HS2ST1: variants seen among roughly 807,000 people sequenced by gnomAD.
HS2ST1 encodes the protein heparan sulfate 2-O-sulfotransferase 1.
A neutral mutation model predicts 42.9 loss-of-function variants in HS2ST1; 18 were observed. The ratio of observed to expected loss-of-function variants is 0.42; its 90% CI spans 0.29 to 0.62. HS2ST1 has a LOEUF of 0.62. HS2ST1 is among the 20% of genes least tolerant of loss of function. The pLI is 0.21. For synonymous variants in HS2ST1, 146 were observed against 152.9 expected (o/e 0.95, Z 0.33); for missense variants, 334 against 433.8 (o/e 0.77, Z 2.04).
At chr1:87,097,248 AACATAAC>A (rs537808503) in intron 4 of HS2ST1, among the ~76,000 whole-genome samples, 2 of 152,244 alleles carry the variant, frequency 1.3e-5, no homozygotes, top group African/African-American at 2.4e-5. Flanking sequence ...GGAAAGACAG[AACATAAC>A]ACATAACACA....
chr1:87,032,826 T>G (rs1182542376), intron 1 of HS2ST1, among the ~76,000 whole-genome samples: 1 of 152,188 alleles, frequency 6.6e-6, no homozygotes, highest in African/African-American at 2.4e-5. Context: ...AACCCCAGTA[T>G]AATTAAAAGT....
chr1:87,095,712 A>T (rs984979979), intron 4 of HS2ST1, among the ~76,000 whole-genome samples: 2 of 152,116 alleles, frequency 1.3e-5, no homozygotes, highest in Non-Finnish European at 2.9e-5. Context: ...ATTATTAAGG[A>T]TTGCCCAAAG....
intron 1 of HS2ST1, among the ~76,000 whole-genome samples, chr1:86,946,082 G>GC (rs1357888423): frequency 1.3e-5 from 2 of 152,152 alleles, no homozygotes; most frequent in Non-Finnish European, 1.5e-5. Flanking sequence ...TAATATGGTT[G>GC]CCTATTTTGG....
chr1:87,034,664 G>A (rs993570442), intron 1 of HS2ST1, among the ~76,000 whole-genome samples: 2 of 152,150 alleles, frequency 1.3e-5, no homozygotes, highest in African/African-American at 4.8e-5. Context: ...AACTGTTACA[G>A]TGTAAAGTAT....
chr1:87,090,306 C>A (rs910794928), intron 3 of HS2ST1, among the ~76,000 whole-genome samples: 3 of 151,936 alleles, frequency 2.0e-5, no homozygotes, highest in South Asian at 4.1e-4. Flanking sequence ...GTCCCTGCCC[C>A]GGTGGAACTT....
chr1:87,043,729 A>G (rs562244336), intron 1 of HS2ST1, among the ~76,000 whole-genome samples: 6 of 152,266 alleles, frequency 3.9e-5, no homozygotes, highest in African/African-American at 7.2e-5. Context: ...CTTCTGAAAC[A>G]TGACCTTACT....
intron 1 of HS2ST1, among the ~76,000 whole-genome samples, chr1:87,051,640 T>C (rs1650835322): frequency 2.0e-5 from 3 of 152,222 alleles, no homozygotes; most frequent in Admixed American, 1.3e-4. Flanking sequence ...ACTCAAATTA[T>C]GGTCAAGCAT....
At chr1:86,916,521 T>A (rs2102147911) in intron 1 of HS2ST1, among the ~76,000 whole-genome samples, 1 of 152,292 alleles carries the variant, frequency 6.6e-6, no homozygotes, top group Non-Finnish European at 1.5e-5. Context: ...TAAATCTGAG[T>A]GAAGTGCAAC....
At chr1:86,917,459 C>G (rs890682696) in intron 1 of HS2ST1, among the ~76,000 whole-genome samples, 3 of 150,772 alleles carry the variant, frequency 2.0e-5, no homozygotes, top group African/African-American at 7.3e-5. Flanking sequence ...GCAGAGATTG[C>G]AGTAAGCCAA....
At position 86,962,617 on chromosome 1, in the gene HS2ST1, G is replaced by A. The variant is rs144893585; in HGVS notation, c.124+47457G>A. Reference sequence around the variant, plus strand: ...TTGGACACATGATTGGGTAAGATACGTGGCTTGCCTGGATGCTGTGTTCAG... The same window carrying A: ...TTGGACACATGATTGGGTAAGATACATGGCTTGCCTGGATGCTGTGTTCAG... On this transcript the variant is annotated intron_variant, in intron 1 of 6. Coordinates refer to ENST00000370550, the MANE Select transcript of HS2ST1 (RefSeq NM_012262.4). Among the ~76,000 whole-genome samples the A allele has an allele frequency of 1.1e-4, 17 of 152,276 alleles. No individual in the cohort carries two copies. In the East Asian group the frequency reaches 1.9e-3, roughly 17 times the overall value.
At chr1:87,081,985 GA>G (rs1204752981) in intron 2 of HS2ST1, among the ~76,000 whole-genome samples, 78 of 140,726 alleles carry the variant, frequency 5.5e-4, no homozygotes, top group African/African-American at 2.0e-3. Context: ...AAAAAAAAAA[GA>G]AAAAAAAGAA....
At chr1:87,035,832 A>G (rs1021960440) in intron 1 of HS2ST1, among the ~76,000 whole-genome samples, 27 of 148,470 alleles carry the variant, frequency 1.8e-4, no homozygotes, top group African/African-American at 6.7e-4. Context: ...TTTTTTAATT[A>G]TTACTATACT....
At chr1:87,008,702 T>C (rs1306529687) in intron 1 of HS2ST1, among the ~76,000 whole-genome samples, 1 of 152,324 alleles carries the variant, frequency 6.6e-6, no homozygotes, top group Non-Finnish European at 1.5e-5. Context: ...CAACTGTTTG[T>C]GTTTGACTGG....
intron 1 of HS2ST1, among the ~76,000 whole-genome samples, chr1:87,055,033 A>T (rs1333176237): frequency 1.3e-5 from 2 of 152,198 alleles, no homozygotes; most frequent in East Asian, 3.8e-4. Context: ...ACTCAAACAC[A>T]TAAATATCTG....
intron 1 of HS2ST1, among the ~76,000 whole-genome samples, chr1:86,933,402 A>G (rs977122367): frequency 6.6e-6 from 1 of 152,174 alleles, no homozygotes; most frequent in Admixed American, 6.5e-5. Flanking sequence ...CGTATCTTCA[A>G]GTTCACTGAT....
At chr1:87,069,431 T>TA (rs550875622) in intron 1 of HS2ST1, among the ~76,000 whole-genome samples, 284 of 152,048 alleles carry the variant, frequency 1.9e-3, no homozygotes, top group African/African-American at 6.5e-3. Flanking sequence ...GCATCTTTGC[T>TA]AAAAAAAAGA....
intron 1 of HS2ST1, among the ~76,000 whole-genome samples, chr1:86,936,384 A>G (rs2102170624): frequency 6.6e-6 from 1 of 152,288 alleles, no homozygotes; most frequent in East Asian, 1.9e-4. Flanking sequence ...TAATTTTTGT[A>G]TAATAGTCCT....
intron 1 of HS2ST1, among the ~76,000 whole-genome samples, chr1:86,958,877 G>T (rs1389508383): frequency 6.6e-6 from 1 of 152,070 alleles, no homozygotes; most frequent in East Asian, 1.9e-4. Context: ...TGTATAAAAA[G>T]AATTACATAC....
chr1:87,092,901 G>A (rs1234540928), intron 4 of HS2ST1, among the ~76,000 whole-genome samples: 1 of 151,754 alleles, frequency 6.6e-6, no homozygotes, highest in Non-Finnish European at 1.5e-5. Context: ...GCGGAATCGT[G>A]TTTTCTTTAT....
Sources: gnomAD v4.1 joint callset for allele counts (sites outside exome capture counted in the v4.1 genomes callset) on GRCh38, gnomAD v4.1.1 for gene constraint, MANE v1.5 for transcripts, NCBI Gene and HGNC (gene_info 2026-07-23, HGNC 2026-07-21) for gene names.